LYRM1: variants seen among roughly 807,000 people sequenced by gnomAD.
LYRM1 encodes LYR motif-containing protein 1.
Under a neutral mutation model 14.9 loss-of-function variants are expected in LYRM1, and 14 were observed. That is an observed-to-expected ratio of 0.94 (90% CI 0.62 to 1.47). The LOEUF (loss-of-function observed/expected upper bound fraction) is 1.47. Ranked by LOEUF, LYRM1 falls within the 40% of genes most tolerant of loss-of-function variation. The probability of loss-of-function intolerance (pLI) is 0.00; values close to 1 mark genes in which losing one functional copy is unlikely to be tolerated. For synonymous variants in LYRM1, 43 were observed against 56.2 expected, an observed-to-expected ratio of 0.77 and a Z score of 1.05; for missense variants, 153 against 149.9, an observed-to-expected ratio of 1.02 and a Z score of -0.11.
Position 20,913,201 on chromosome 16 carries a change from G to A in LYRM1, c.1-2355G>A. On this transcript the variant is annotated intron_variant, in intron 1 of 3. Coordinates refer to ENST00000567954, the MANE Select transcript of LYRM1 (RefSeq NM_001128302.3). ...AGCATAGTGATTCCTTCTAGGAGAG[G>A]AAGGGAAATGTTATTTGGAAGGGGT... Among the ~76,000 whole-genome samples the A allele has an allele frequency of 1.3e-5, 2 of 151,720 alleles. 1 individual carries two copies. Among genetic ancestry groups the A allele is most frequent in the Non-Finnish European group, 2.9e-5 (2 of 67,926 alleles).
chr16:20,919,005 C>T (rs1044435585), intron 2 of LYRM1, among the ~76,000 whole-genome samples: 2 of 152,228 alleles, frequency 1.3e-5, no homozygotes, highest in African/African-American at 4.8e-5. Context: ...TCATCTGGTG[C>T]TGATGCAATC....
intron 2 of LYRM1, 105 bp from the exon 3 acceptor site, chr16:20,920,017 C>A: frequency 1.7e-6 from 1 of 597,128 alleles, no homozygotes; most frequent in Non-Finnish European, 2.8e-6. Flanking sequence ...AGTAACATTT[C>A]ATTTACTGGC....
At chr16:20,915,806 G>A in intron 2 of LYRM1, 92 bp downstream of exon 2, 1 of 1,381,106 alleles carries the variant, frequency 7.2e-7, no homozygotes, top group Non-Finnish European at 9.9e-7. Context: ...AGAGGGCTGA[G>A]CCGCACAGTC....
intron 1 of LYRM1, among the ~76,000 whole-genome samples, chr16:20,914,999 C>T (rs563939888): frequency 6.6e-6 from 1 of 152,166 alleles, no homozygotes; most frequent in African/African-American, 2.4e-5. Context: ...TTGGTTTTGC[C>T]GTGTTCATAA....
intron 2 of LYRM1, 52 bp downstream of exon 2, chr16:20,915,766 AT>A: frequency 6.3e-7 from 1 of 1,575,716 alleles, no homozygotes; most frequent in East Asian, 2.3e-5. Flanking sequence ...TCCTTATGAT[AT>A]TTGTTTATTT....
At chr16:20,903,613 A>G (rs1567440961) in intron 1 of LYRM1, among the ~76,000 whole-genome samples, 2 of 152,298 alleles carry the variant, frequency 1.3e-5, no homozygotes, top group South Asian at 2.1e-4. Flanking sequence ...ACTCGAGGGT[A>G]CTATGTAGGC....
At chr16:20,912,118 C>A (rs2082622429) in intron 1 of LYRM1, among the ~76,000 whole-genome samples, 1 of 151,920 alleles carries the variant, frequency 6.6e-6, no homozygotes, top group Admixed American at 6.6e-5. Context: ...TATTTTTTTA[C>A]AAAATGAATG....
rs573843696 is a variant in LYRM1 at position 20,901,476 on chromosome 16, A to G, written c.-1+587A>G. 3.3e-5 allele frequency among the ~76,000 whole-genome samples: 5 copies of G among 152,188 alleles called. No individual in the cohort carries two copies. Among genetic ancestry groups the G allele is most frequent in the African/African-American group, 4.8e-5 (2 of 41,448 alleles). On this transcript the variant is annotated intron_variant, in intron 1 of 3. Transcript: ENST00000567954. This position sits in a 1 kb window ranked among gnomAD's most constrained non-coding sequence, Gnocchi z 4.6. Reference sequence around the variant, plus strand: ...CCTCGAAATCGGGTAAGGTCGTTCAAAGGAGGCCACGGTTTTGCGGGGATC... The same window carrying G: ...CCTCGAAATCGGGTAAGGTCGTTCAGAGGAGGCCACGGTTTTGCGGGGATC...
At chr16:20,916,538 G>A (rs542911087) in intron 2 of LYRM1, among the ~76,000 whole-genome samples, 3 of 152,160 alleles carry the variant, frequency 2.0e-5, no homozygotes, top group South Asian at 2.1e-4. Flanking sequence ...ACACCCTCCC[G>A]CCAGCTGCAG....
In LYRM1 at chr16:20,924,073, T is replaced by C. The variant is rs148119513; in HGVS notation, c.326T>C (p.Leu109Pro). Residue 109 changes from leucine to proline, a missense_variant, in exon 4 of 4, where the codon CTT becomes CCT. Coordinates refer to ENST00000567954, the MANE Select transcript of LYRM1 (RefSeq NM_001128302.3). ...CGAAGCCAAGAGAAACTGAGGAAACTTTCCAAACCAGTATATCTCAGATCT... is the reference window on the plus strand; with the variant it reads ...CGAAGCCAAGAGAAACTGAGGAAACCTTCCAAACCAGTATATCTCAGATCT... ...GLRSQEKLRK[L>P]SKPVYLRSHD... 1.2e-6 allele frequency: 2 copies of C among 1,613,148 alleles called. No homozygotes were observed. The highest frequency in any genetic ancestry group is 2.7e-5 in the African/African-American group (2 of 74,918).
At chr16:20,908,716 A>G (rs962619144) in intron 1 of LYRM1, among the ~76,000 whole-genome samples, 47 of 152,260 alleles carry the variant, frequency 3.1e-4, no homozygotes, top group African/African-American at 1.1e-3. Context: ...AAAGAAATGC[A>G]GAACTATCTG....
intron 1 of LYRM1, among the ~76,000 whole-genome samples, chr16:20,904,726 T>TGTGTGTGTGTGTGTGTGTG (rs1567442660): frequency 2.6e-5 from 4 of 151,452 alleles, no homozygotes; most frequent in East Asian, 1.9e-4. Flanking sequence ...TGTGTGTGTG[T>TGTGTGTGTGTGTGTGTGTG]TTAATTGATA....
rs919527830 is a variant in LYRM1, at chr16:20,901,316, CT to C, written c.-1+428del. 3.9e-5 allele frequency: 6 copies of C among 152,292 alleles called. No individual in the cohort carries two copies. The highest frequency in any genetic ancestry group is 1.2e-4 in the African/African-American group (5 of 41,456). 9.4% of individuals were successfully genotyped at this position (152,292 alleles called of 1,614,324 possible). A position where few individuals can be genotyped will look rare whatever the true frequency, so the allele number is the denominator to read the frequency against. ...TTCGTAATTCTCTTGCTCTTCAAAC[CT>C]GAGAGTAGGGTGTTGCTCCGTTACC... is the stretch of plus-strand genomic sequence containing the variant. On this transcript the variant is annotated intron_variant, in intron 1 of 3. Transcript: ENST00000567954. This position sits in a 1 kb window ranked among gnomAD's most constrained non-coding sequence, Gnocchi z 4.6.
At chr16:20,913,027 T>C (rs2082676414) in intron 1 of LYRM1, among the ~76,000 whole-genome samples, 2 of 150,980 alleles carry the variant, frequency 1.3e-5, no homozygotes, top group African/African-American at 2.4e-5. Flanking sequence ...GATTGCGCCA[T>C]TGCACTCCAG....
intron 3 of LYRM1, 29 bp downstream of exon 3, chr16:20,920,243 G>A: frequency 6.0e-6 from 9 of 1,494,720 alleles, no homozygotes; most frequent in Non-Finnish European, 8.4e-6. Flanking sequence ...AACAAGTGCT[G>A]GGTACTTACC....
At chr16:20,909,752 A>T (rs577531152) in intron 1 of LYRM1, among the ~76,000 whole-genome samples, 4 of 152,338 alleles carry the variant, frequency 2.6e-5, no homozygotes, top group Admixed American at 1.3e-4. Context: ...TAAACTTTTT[A>T]AAAAATATAT....
chr16:20,911,724 A>G (rs2082602173), intron 1 of LYRM1, among the ~76,000 whole-genome samples: 2 of 152,044 alleles, frequency 1.3e-5, no homozygotes, highest in Admixed American at 1.3e-4. Flanking sequence ...ATAGAAATGT[A>G]AATAGTTATG....
intron 1 of LYRM1, among the ~76,000 whole-genome samples, chr16:20,905,156 A>G (rs76483108): frequency 0.015 from 2,291 of 152,342 alleles, 28 homozygotes; most frequent in Middle Eastern, 0.024. Context: ...CTTAGCATAG[A>G]TAAAAGAGAC....
chr16:20,916,067 T>TTTG (rs150039228), intron 2 of LYRM1, among the ~76,000 whole-genome samples: 5 of 25,692 alleles, frequency 1.9e-4, no homozygotes, highest in Middle Eastern at 0.019. Context: ...AAAGTGGTTT[T>TTTG]TTGTTGTTGT....
Sources: allele counts gnomAD v4.1 joint callset (sites outside exome capture counted in the v4.1 genomes callset), GRCh38; gene constraint gnomAD v4.1.1; non-coding constraint Gnocchi (gnomAD v3.1); transcripts MANE v1.5; gene names NCBI Gene and HGNC (gene_info 2026-07-23, HGNC 2026-07-21).